BRD10: variants seen among roughly 807,000 people sequenced by gnomAD.
BRD10 encodes the protein bromodomain containing 10.
chr9:5,919,667 G>T, the BRD10 span: 1 of 1,568,982 alleles, frequency 6.4e-7, no homozygotes, highest in Non-Finnish European at 8.6e-7. Flanking sequence ...TTAAAAACTG[G>T]CTCTTTTAGT....
chr9:5,928,303 A>G, the BRD10 span, among the ~76,000 whole-genome samples: 1 of 152,120 alleles, frequency 6.6e-6, no homozygotes, highest in African/African-American at 2.4e-5. Flanking sequence ...GATTACTGCT[A>G]TAGTATACTG....
At chr9:6,008,185 A>G in the BRD10 span, 1 of 971,406 alleles carries the variant, frequency 1.0e-6, no homozygotes, top group Non-Finnish European at 1.2e-6. Flanking sequence ...GGAGGGGGCG[A>G]GGAGGAAGGG....
the BRD10 span, among the ~76,000 whole-genome samples, chr9:5,945,214 C>T: frequency 9.2e-5 from 14 of 152,180 alleles, no homozygotes; most frequent in Non-Finnish European, 1.9e-4. Flanking sequence ...TTTCAGTTTG[C>T]TTTATAATTC....
At chr9:5,905,347 T>C in the BRD10 span, among the ~76,000 whole-genome samples, 1 of 152,170 alleles carries the variant, frequency 6.6e-6, no homozygotes, top group African/African-American at 2.4e-5. Context: ...GATGCCTCAT[T>C]ATACTCCCTC....
At chr9:5,973,697 T>A in the BRD10 span, among the ~76,000 whole-genome samples, 32 of 152,064 alleles carry the variant, frequency 2.1e-4, no homozygotes, top group African/African-American at 7.5e-4. Context: ...AAGATCAGAC[T>A]AGGCAACATG....
the BRD10 span, among the ~76,000 whole-genome samples, chr9:5,887,326 C>A: frequency 6.6e-6 from 1 of 152,152 alleles, no homozygotes; most frequent in African/African-American, 2.4e-5. Flanking sequence ...ATTGTGTGCC[C>A]AGCATGCTGA....
At chr9:5,933,581 A>G in the BRD10 span, among the ~76,000 whole-genome samples, 20 of 152,226 alleles carry the variant, frequency 1.3e-4, no homozygotes, top group African/African-American at 4.8e-4. Flanking sequence ...TATGGTCACA[A>G]GATTAAGTCC....
the BRD10 span, chr9:5,909,118 A>G: frequency 6.4e-5 from 12 of 186,400 alleles, no homozygotes; most frequent in African/African-American, 2.9e-4. Flanking sequence ...TTGTTCCAGT[A>G]CTATGGAGTG....
At chr9:5,921,835 A>G in the BRD10 span, 17 of 1,614,010 alleles carry the variant, frequency 1.1e-5, no homozygotes, top group Non-Finnish European at 1.4e-5. Context: ...GTGAAGTTTT[A>G]TCTATCACGT....
the BRD10 span, among the ~76,000 whole-genome samples, chr9:6,006,052 T>C: frequency 7.2e-5 from 11 of 152,158 alleles, no homozygotes; most frequent in Admixed American, 2.6e-4. Context: ...AACCAAAAAA[T>C]TAACACAATT....
chr9:5,888,127 G>C, the BRD10 span, among the ~76,000 whole-genome samples: 10 of 152,182 alleles, frequency 6.6e-5, no homozygotes, highest in Non-Finnish European at 1.2e-4. Flanking sequence ...TCTAAGTCTT[G>C]AGCTGCTAGG....
the BRD10 span, among the ~76,000 whole-genome samples, chr9:5,998,809 T>A: frequency 6.6e-6 from 1 of 152,062 alleles, no homozygotes; most frequent in Non-Finnish European, 1.5e-5. Flanking sequence ...TTTCCTAGCC[T>A]GGAATTAATA....
the BRD10 span, chr9:5,920,197 A>G: frequency 1.2e-6 from 2 of 1,613,886 alleles, no homozygotes; most frequent in African/African-American, 2.7e-5. Context: ...CTATTGGTGT[A>G]GATTGAATGC....
the BRD10 span, among the ~76,000 whole-genome samples, chr9:5,879,551 G>A: frequency 1.2e-4 from 19 of 152,162 alleles, no homozygotes; most frequent in African/African-American, 3.6e-4. Context: ...CAATGCCAGC[G>A]GCCCCAAAGG....
At chr9:5,880,562 T>C in the BRD10 span, among the ~76,000 whole-genome samples, 1 of 151,898 alleles carries the variant, frequency 6.6e-6, no homozygotes, top group African/African-American at 2.4e-5. Context: ...AACACTGAAG[T>C]TCTTTAGCTC....
At chr9:5,907,579 C>G in the BRD10 span, among the ~76,000 whole-genome samples, 1 of 152,120 alleles carries the variant, frequency 6.6e-6, no homozygotes. Flanking sequence ...AATAAATATT[C>G]TGAAAATATT....
chr9:5,995,589 G>A, the BRD10 span, among the ~76,000 whole-genome samples: 1 of 152,088 alleles, frequency 6.6e-6, no homozygotes, highest in African/African-American at 2.4e-5. Context: ...TCTGCTTGGA[G>A]CTACTCCACT....
the BRD10 span, among the ~76,000 whole-genome samples, chr9:6,008,436 G>A: frequency 1.3e-5 from 2 of 151,964 alleles, no homozygotes; most frequent in Non-Finnish European, 2.9e-5. Context: ...GAGCTGTGGA[G>A]AGAAGCAAAG....
the BRD10 span, chr9:5,988,475 T>C: frequency 6.2e-7 from 1 of 1,613,802 alleles, no homozygotes; most frequent in African/African-American, 1.3e-5. Context: ...GTACATGCAG[T>C]TCCCTTCTCA....
Sources: allele counts gnomAD v4.1 joint callset (sites outside exome capture counted in the v4.1 genomes callset), GRCh38; gene constraint gnomAD v4.1.1; transcripts MANE v1.5; gene names NCBI Gene and HGNC (gene_info 2026-07-23, HGNC 2026-07-21).